Variants in RNF220 observed in about 807,000 individuals in gnomAD.
RNF220 encodes the protein ring finger protein 220, also known as E3 ubiquitin-protein ligase RNF220.
A neutral mutation model predicts 67.1 loss-of-function variants in RNF220; 7 were observed. The ratio of observed to expected loss-of-function variants is 0.10; its 90% CI spans 0.06 to 0.20. The LOEUF (loss-of-function observed/expected upper bound fraction) is 0.20. RNF220 is among the 10% of genes least tolerant of loss of function. RNF220 has a pLI of 1.00. For synonymous variants in RNF220, 270 were observed against 283.2 expected (o/e 0.95, Z 0.47); for missense variants, 565 against 740.3 (o/e 0.76, Z 2.75).
At chr1:44,587,813 G>T (rs1402774267) in intron 2 of RNF220, among the ~76,000 whole-genome samples, 3 of 152,244 alleles carry the variant, frequency 2.0e-5, no homozygotes, top group African/African-American at 7.2e-5. Context: ...ACAAATGCTT[G>T]TAAAGCACCT....
chr1:44,594,103 G>A (rs1302766301), intron 2 of RNF220, among the ~76,000 whole-genome samples: 2 of 151,892 alleles, frequency 1.3e-5, no homozygotes, highest in East Asian at 3.9e-4. Context: ...AAAAAAAAAG[G>A]GATAAACTCT....
At chr1:44,582,494 C>T (rs750188601) in intron 2 of RNF220, among the ~76,000 whole-genome samples, 4 of 152,196 alleles carry the variant, frequency 2.6e-5, no homozygotes, top group Admixed American at 2.6e-4. Flanking sequence ...CGGTGGCTCA[C>T]GCCTGTAATC....
intron 2 of RNF220, among the ~76,000 whole-genome samples, chr1:44,602,936 G>A (rs527286804): frequency 6.6e-6 from 1 of 152,096 alleles, no homozygotes; most frequent in Non-Finnish European, 1.5e-5. Flanking sequence ...GTCACCGCCC[G>A]GCTGCCTGCT....
At chr1:44,497,469 T>C (rs1016326892) in intron 2 of RNF220, among the ~76,000 whole-genome samples, 1 of 152,132 alleles carries the variant, frequency 6.6e-6, no homozygotes, top group African/African-American at 2.4e-5. Flanking sequence ...GATAATATCC[T>C]CAAGTCTTGA....
At chr1:44,522,623 A>G (rs1166369490) in intron 2 of RNF220, among the ~76,000 whole-genome samples, 1 of 152,098 alleles carries the variant, frequency 6.6e-6, no homozygotes, top group Non-Finnish European at 1.5e-5. Flanking sequence ...AGTAGAGACC[A>G]ATCTGAGCTT....
At chr1:44,632,263 G>A in intron 5 of RNF220, 80 bp from the exon 6 acceptor site, 1 of 1,613,728 alleles carries the variant, frequency 6.2e-7, no homozygotes, top group Non-Finnish European at 8.5e-7. Flanking sequence ...GGGGTCCGGT[G>A]CTGGGGCGGG....
In RNF220 at chr1:44,612,585, C is replaced by T. The variant is rs1573042932; in HGVS notation, c.626-1580C>T. 3.9e-5 allele frequency among the ~76,000 whole-genome samples: 6 copies of T among 152,278 alleles called. No individual in the cohort carries two copies. The South Asian group carries it at 1.2e-3, about 32-fold the overall frequency. ...GTCAAAGGGAGGTGGGTTTTGTGCT[C>T]AGCCTGAACTTGAGGCTTCCTCAAG... is the stretch of plus-strand genomic sequence containing the variant. On this transcript the variant is annotated intron_variant, in intron 2 of 14. Transcript: ENST00000361799.
At chr1:44,448,274 G>A (rs943613761) in intron 2 of RNF220, among the ~76,000 whole-genome samples, 3 of 152,210 alleles carry the variant, frequency 2.0e-5, no homozygotes, top group Non-Finnish European at 4.4e-5. Context: ...AGCCTGAGTT[G>A]ACAGCAAGAC....
intron 1 of RNF220, 128 bp from the exon 2 acceptor site, chr1:44,411,853 G>A: frequency 4.1e-6 from 2 of 486,512 alleles, no homozygotes; most frequent in Non-Finnish European, 7.4e-6. Flanking sequence ...GGCTCCTAAA[G>A]CCTGTGGTGT....
intron 2 of RNF220, among the ~76,000 whole-genome samples, chr1:44,416,666 C>G (rs1648575008): frequency 6.6e-6 from 1 of 152,252 alleles, no homozygotes; most frequent in African/African-American, 2.4e-5. Flanking sequence ...GCGACTGGCC[C>G]TGTCTTCTGG....
intron 2 of RNF220, among the ~76,000 whole-genome samples, chr1:44,581,590 T>G (rs966959360): frequency 6.6e-6 from 1 of 152,196 alleles, no homozygotes; most frequent in African/African-American, 2.4e-5. Context: ...CCTCAGTGTT[T>G]TTCCTAAGAC....
At chr1:44,410,011 C>G (rs1647809206) in intron 1 of RNF220, among the ~76,000 whole-genome samples, 1 of 152,146 alleles carries the variant, frequency 6.6e-6, no homozygotes, top group Admixed American at 6.5e-5. Flanking sequence ...ATGAAGTTTT[C>G]AAATGAATAA....
chr1:44,443,751 T>TA (rs1175022892), intron 2 of RNF220, among the ~76,000 whole-genome samples: 1 of 152,186 alleles, frequency 6.6e-6, no homozygotes, highest in Non-Finnish European at 1.5e-5. Flanking sequence ...TGTGTACAGT[T>TA]AAAAAATTAT....
intron 2 of RNF220, among the ~76,000 whole-genome samples, chr1:44,489,697 C>T (rs371406949): frequency 1.3e-5 from 2 of 152,154 alleles, no homozygotes; most frequent in East Asian, 1.9e-4. Context: ...TGATTCACGC[C>T]CATTCCTGAA....
chr1:44,634,163 C>T (rs1396398447), intron 6 of RNF220, among the ~76,000 whole-genome samples: 1 of 152,186 alleles, frequency 6.6e-6, no homozygotes, highest in Non-Finnish European at 1.5e-5. Flanking sequence ...GAGCTGGAGC[C>T]CTAGCACACT....
chr1:44,468,681 A>C (rs949913741), intron 2 of RNF220, among the ~76,000 whole-genome samples: 1 of 152,200 alleles, frequency 6.6e-6, no homozygotes, highest in African/African-American at 2.4e-5. Flanking sequence ...TGGGAGGCTG[A>C]GGCAGGTGGA....
chr1:44,477,789 G>A (rs1355021810), intron 2 of RNF220, among the ~76,000 whole-genome samples: 2 of 152,324 alleles, frequency 1.3e-5, no homozygotes, highest in Non-Finnish European at 2.9e-5. Flanking sequence ...CTGCTAATGT[G>A]CCATTAGCCA....
intron 3 of RNF220, among the ~76,000 whole-genome samples, chr1:44,619,780 G>A (rs2148443887): frequency 6.6e-6 from 1 of 152,302 alleles, no homozygotes; most frequent in South Asian, 2.1e-4. Flanking sequence ...CCTCAGACCT[G>A]TCTTCTATGA....
At chr1:44,441,768 C>G (rs1047131721) in intron 2 of RNF220, among the ~76,000 whole-genome samples, 1 of 152,170 alleles carries the variant, frequency 6.6e-6, no homozygotes, top group Non-Finnish European at 1.5e-5. Flanking sequence ...TTTCATCATT[C>G]ATTCCACACA....
Sources: gnomAD v4.1 joint callset for allele counts (sites outside exome capture counted in the v4.1 genomes callset) on GRCh38, gnomAD v4.1.1 for gene constraint, MANE v1.5 for transcripts, NCBI Gene and HGNC (gene_info 2026-07-23, HGNC 2026-07-21) for gene names.